The following AP5M1 variants were observed in gnomAD, a reference collection of about 807,000 sequenced individuals.
AP5M1 encodes the protein AP-5 complex subunit mu-1.
In AP5M1, 44 loss-of-function variants were observed where a neutral mutation model predicts 52.3. The observed-to-expected ratio is 0.84, with a 90% confidence interval of 0.66 to 1.08. The LOEUF (loss-of-function observed/expected upper bound fraction) is 1.08. Ranked by LOEUF, AP5M1 falls within the 50% of genes least tolerant of loss-of-function variation. The probability of loss-of-function intolerance (pLI) is 0.00; values close to 1 mark genes in which losing one functional copy is unlikely to be tolerated. For missense variants in AP5M1, 526 were observed against 568.4 expected (o/e 0.93, Z 0.76); for synonymous variants, 213 against 199.0 (o/e 1.07, Z -0.59).
In AP5M1 at chr14:57,274,475, T is replaced by G. The variant is rs146370415; in HGVS notation, c.306T>G (p.Asn102Lys). Residue 102 changes from asparagine to lysine, a missense_variant, in exon 2 of 8, where the codon AAT (asparagine) becomes AAG (lysine). By Grantham distance (94) the Asn-to-Lys change is moderately conservative (BLOSUM62 0). Coordinates refer to ENST00000261558, the MANE Select transcript of AP5M1 (RefSeq NM_018229.4). The stretch of plus-strand genomic sequence containing the variant: ...GGCCAGTTGTTGCTTTTCTGAAGAA[T>G]GACATGATATATGCTTGTGTTCCAC... ...ELWPVVAFLK[N>K]DMIYACVPLV... 1.2e-6 allele frequency: 2 copies of G among 1,614,092 alleles called. No homozygotes were observed. Among genetic ancestry groups the G allele is most frequent in the African/African-American group, 2.7e-5 (2 of 74,938 alleles).
rs202192663 is a variant in AP5M1 at position 57,288,881 on chromosome 14, G to T, written c.1470G>T (p.Leu490Phe). 5 of 1,504,594 alleles carry T rather than the reference G, an allele frequency of 3.3e-6. No individual in the cohort carries two copies. In the African/African-American group the frequency reaches 5.5e-5, roughly 17 times the overall value. 93.2% of individuals were successfully genotyped at this position (1,504,594 alleles called of 1,614,324 possible). Residue 490 changes from leucine to phenylalanine, a missense_variant, in exon 8 of 8, where the codon TTG (leucine) becomes TTT (phenylalanine). Leu to Phe is a conservative substitution (Grantham distance 22, BLOSUM62 0). Coordinates refer to ENST00000261558, the MANE Select transcript of AP5M1 (RefSeq NM_018229.4). ...CAGTAACATATGGATCATTATTATTGTAATAGTCTCATGTTTAAATGGGAT... is the reference window on the plus strand; with the variant it reads ...CAGTAACATATGGATCATTATTATTTTAATAGTCTCATGTTTAAATGGGAT... ...PAPVTYGSLL[L>F]
Position 57,282,194 on chromosome 14 carries a change from G to T in AP5M1, c.1054G>T (p.Glu352Ter). 3 of 1,572,152 alleles carry T rather than the reference G, an allele frequency of 1.9e-6. No homozygotes were observed. The highest frequency in any genetic ancestry group is 2.6e-6 in the Non-Finnish European group (3 of 1,163,552). Residue 352 changes from glutamate to a stop codon, truncating the protein, a stop_gained, in exon 4 of 8, where the codon GAA becomes TAA. Transcript: ENST00000261558. LOFTEE classifies it high-confidence loss of function. ...TCATGAAAGTGTGAAAAATAATTTT[G>T]AATTCTGTGAAGCCCATATACCTTT... ...KLHESVKNNF[E>*]FCEAHIPFYN...
intron 1 of AP5M1, chr14:57,273,900 C>T (rs1024213054): frequency 3.2e-5 from 19 of 599,390 alleles, no homozygotes; most frequent in Admixed American, 8.7e-5. Flanking sequence ...ATGCCTAAAA[C>T]GGTTCAAGTA....
rs1189913073 is a variant in AP5M1 at position 57,291,709 on chromosome 14, G to A, written c.*2825G>A. 1 of 151,502 alleles carries A rather than the reference G, an allele frequency of 6.6e-6. No individual in the cohort carries two copies. Among genetic ancestry groups the A allele is most frequent in the East Asian group, 1.9e-4 (1 of 5,162 alleles). The allele number at this position is 151,502 out of a possible 1,614,324, so 9.4% of individuals were successfully genotyped here. On this transcript the variant is annotated 3_prime_UTR_variant, in exon 8 of 8. Coordinates refer to ENST00000261558, the MANE Select transcript of AP5M1 (RefSeq NM_018229.4). ...AGTATTTCTACTAGGTTAAAATTAT[G>A]GTGTTTTTATACATTGTATGATTTA...
intron 1 of AP5M1, 84 bp downstream of exon 1, chr14:57,269,472 T>C: frequency 7.1e-7 from 1 of 1,412,942 alleles, no homozygotes; most frequent in South Asian, 1.2e-5. Flanking sequence ...GTGGCCCAGG[T>C]TTGCCACGAA....
chr14:57,282,179 G>A lies in AP5M1; in HGVS notation c.1039G>A (p.Val347Met), dbSNP rs1885196989. The A allele has an allele frequency of 1.9e-6, 3 of 1,574,730 alleles. No individual in the cohort carries two copies. Among genetic ancestry groups the A allele is most frequent in the Middle Eastern group, 1.7e-4 (1 of 5,992 alleles). ...ITINLKLHES[V>M]KNNFEFCEAH... The stretch of plus-strand genomic sequence containing the variant: ...CATTAATTTAAAACTTCATGAAAGT[G>A]TGAAAAATAATTTTGAATTCTGTGA... The change falls in exon 4 of 8, where the codon GTG becomes ATG. Residue 347 changes from valine (V) to methionine (M), a missense_variant. Val to Met is a conservative substitution (Grantham distance 21). Transcript: ENST00000261558.
intron 2 of AP5M1, among the ~76,000 whole-genome samples, chr14:57,277,613 G>T (rs1022730663): frequency 6.6e-6 from 1 of 151,798 alleles, no homozygotes; most frequent in Non-Finnish European, 1.5e-5. Flanking sequence ...GGCACTAATT[G>T]TATATACTAC....
At position 57,290,758 on chromosome 14, in the gene AP5M1, C is replaced by T. The variant is rs1885418392; in HGVS notation, c.*1874C>T. 6.6e-6 allele frequency: 1 copy of T among 151,810 alleles called. No individual in the cohort carries two copies. Among genetic ancestry groups the T allele is most frequent in the Non-Finnish European group, 1.5e-5 (1 of 67,858 alleles). The allele number at this position is 151,810 out of a possible 1,614,324, so 9.4% of individuals were successfully genotyped here. The stretch of plus-strand genomic sequence containing the variant: ...ACTGAACCAACTTAGGTTTTCATCC[C>T]ATTGAGATCAGCTGGGCACACTGTG... On this transcript the variant is annotated 3_prime_UTR_variant, in exon 8 of 8. Transcript: ENST00000261558.
rs1245046307 is a variant in AP5M1 at position 57,274,748 on chromosome 14, G to A, written c.579G>A (p.Gln193=). ...ATTTTGCATCTGTGACTCAGCCACA[G>A]AAACAGCCAGCTTGGAAAACTGGGA... is the stretch of plus-strand genomic sequence containing the variant. The part of the protein sequence containing the change: ...NTNFASVTQP[Q]KQPAWKTGTY... Residue 193 remains glutamine (Q), a synonymous_variant, in exon 2 of 8, where the codon CAG becomes CAA. Coordinates refer to ENST00000261558, the MANE Select transcript of AP5M1 (RefSeq NM_018229.4). 2 of 1,614,162 alleles carry A rather than the reference G, an allele frequency of 1.2e-6. No homozygotes were observed. The highest frequency in any genetic ancestry group is 1.7e-6 in the Non-Finnish European group (2 of 1,180,020).
intron 6 of AP5M1, among the ~76,000 whole-genome samples, chr14:57,283,672 A>C (rs989798532): frequency 1.3e-5 from 2 of 152,052 alleles, no homozygotes; most frequent in Non-Finnish European, 2.9e-5. Context: ...GTCTAATTCT[A>C]CTCAGCTCTT....
In AP5M1 at chr14:57,289,457, G is replaced by C. The variant is rs2139699221; in HGVS notation, c.*573G>C. ...GAGACAAAGGAAAAGTGTTTAAATA[G>C]TAAGCTGTTCTTCTTAATCAGAACT... On this transcript the variant is annotated 3_prime_UTR_variant, in exon 8 of 8. Transcript: ENST00000261558. 1 of 152,160 alleles carries C rather than the reference G, an allele frequency of 6.6e-6. No homozygotes were observed. The highest frequency in any genetic ancestry group is 1.9e-4 in the East Asian group (1 of 5,180). 9.4% of individuals were successfully genotyped at this position (152,160 alleles called of 1,614,324 possible). A position where few individuals can be genotyped will look rare whatever the true frequency, so the allele number is the denominator to read the frequency against.
Position 57,269,221 on chromosome 14 carries a change from CTTCTG to C in AP5M1, c.-91_-87del, listed in dbSNP as rs2139680964. The C allele has an allele frequency of 8.2e-7, 1 of 1,219,580 alleles. No individual in the cohort carries two copies. The highest frequency in any genetic ancestry group is 2.0e-5 in the Admixed American group (1 of 50,782). 75.5% of individuals were successfully genotyped at this position (1,219,580 alleles called of 1,614,324 possible). ...ATGCGGCGCAGGATGAGCCTCAGGG[CTTCTG>C]TTAAGAGTCTGTCTGAGAAAGCCGG... On this transcript the variant is annotated 5_prime_UTR_variant, in exon 1 of 8. An upstream open reading frame in the 5' UTR gains an earlier in-frame stop. Coordinates refer to ENST00000261558, the MANE Select transcript of AP5M1 (RefSeq NM_018229.4).
rs1295150920 is a variant in AP5M1, at chr14:57,297,591, T to C, written c.*8707T>C. On this transcript the variant is annotated 3_prime_UTR_variant, in exon 8 of 8. Coordinates refer to ENST00000261558, the MANE Select transcript of AP5M1 (RefSeq NM_018229.4). ...TTGAATGTATGTGTGTGTGTGTGCA[T>C]GTGTGGAAAACAAGAAAAATACAAG... The C allele has an allele frequency of 6.6e-6, 1 of 152,070 alleles. No homozygotes were observed. The highest frequency in any genetic ancestry group is 2.4e-5 in the African/African-American group (1 of 41,408). 9.4% of individuals were successfully genotyped at this position (152,070 alleles called of 1,614,324 possible).
At chr14:57,282,566 A>C (rs909235665) in intron 4 of AP5M1, among the ~76,000 whole-genome samples, 1 of 152,214 alleles carries the variant, frequency 6.6e-6, no homozygotes, top group Non-Finnish European at 1.5e-5. Context: ...ATTATATCAT[A>C]ATATTACTTT....
intron 2 of AP5M1, chr14:57,275,092 T>C: frequency 3.3e-6 from 2 of 609,872 alleles, no homozygotes; most frequent in South Asian, 2.0e-5. Flanking sequence ...TAAAGAATTG[T>C]CTCATTGTCC....
intron 4 of AP5M1, 142 bp from the exon 5 acceptor site, chr14:57,282,792 T>C: frequency 2.0e-6 from 1 of 492,756 alleles, no homozygotes; most frequent in Non-Finnish European, 3.6e-6. Context: ...TAACATTCAT[T>C]ATTTGTTCTA....
At position 57,289,505 on chromosome 14, in the gene AP5M1, C is replaced by A. The variant is rs1885391253; in HGVS notation, c.*621C>A. ...ACTATCCTATTGACTAATAAATAAT[C>A]TGCATAATTCTACTTAAGGTGTGTA... On this transcript the variant is annotated 3_prime_UTR_variant, in exon 8 of 8. Coordinates refer to ENST00000261558, the MANE Select transcript of AP5M1 (RefSeq NM_018229.4). 1.3e-5 allele frequency: 2 copies of A among 151,936 alleles called. No homozygotes were observed. The highest frequency in any genetic ancestry group is 4.1e-4 in the South Asian group (2 of 4,824). 9.4% of individuals were successfully genotyped at this position (151,936 alleles called of 1,614,324 possible).
At chr14:57,274,979 T>G in intron 2 of AP5M1, 90 bp downstream of exon 2, 1 of 1,465,960 alleles carries the variant, frequency 6.8e-7, no homozygotes. Context: ...ATAACATTTT[T>G]TATTTTCATC....
chr14:57,277,282 G>A (rs2139688513), intron 2 of AP5M1, among the ~76,000 whole-genome samples: 1 of 152,222 alleles, frequency 6.6e-6, no homozygotes, highest in East Asian at 1.9e-4. Context: ...TGTGCAGATA[G>A]ATTCATCGGC....
Sources: gnomAD v4.1 joint callset for allele counts (sites outside exome capture counted in the v4.1 genomes callset) on GRCh38, gnomAD v4.1.1 for gene constraint, MANE v1.5 for transcripts, NCBI Gene and HGNC (gene_info 2026-07-23, HGNC 2026-07-21) for gene names.